Variants in ESYT2 observed in about 807,000 individuals in gnomAD.
ESYT2 encodes the protein extended synaptotagmin-2.
In ESYT2, 54 loss-of-function variants were observed where a neutral mutation model predicts 107.2. The ratio of observed to expected loss-of-function variants is 0.50; its 90% CI spans 0.40 to 0.63. ESYT2 has a LOEUF of 0.63. Ranked by LOEUF, ESYT2 falls within the 30% of genes least tolerant of loss-of-function variation. The pLI is 0.00. For synonymous variants in ESYT2, 491 were observed against 434.1 expected, an observed-to-expected ratio of 1.13 and a Z score of -1.63; for missense variants, 1,020 against 1,094.5, an observed-to-expected ratio of 0.93 and a Z score of 0.96.
At chr7:158,746,078 GGAA>G (rs1237597654) in intron 16 of ESYT2, among the ~76,000 whole-genome samples, 3 of 152,074 alleles carry the variant, frequency 2.0e-5, no homozygotes, top group Non-Finnish European at 2.9e-5. Flanking sequence ...AGACTTATTA[GGAA>G]GAAGAAGAGA....
chr7:158,814,299 A>G lies in ESYT2; in HGVS notation c.330+14790T>C, dbSNP rs1328480407. Among the ~76,000 whole-genome samples the G allele has an allele frequency of 9.0e-3, 38 of 4,214 alleles. 2 individuals carry two copies. The highest frequency in any genetic ancestry group is 0.02 in the African/African-American group (38 of 1,854). 2.8% of individuals were successfully genotyped at this position (4,214 alleles called of 152,430 possible). On this transcript the variant is annotated intron_variant, in intron 1 of 22. Coordinates refer to ENST00000275418, the MANE Select transcript of ESYT2 (RefSeq NM_001367773.1). ...AAAAAAAAAAAAATTATATATATAT[A>G]TATATATATATATATATATATATAT...
At chr7:158,770,097 G>T (rs1360948919) in intron 7 of ESYT2, among the ~76,000 whole-genome samples, 1 of 151,814 alleles carries the variant, frequency 6.6e-6, no homozygotes, top group African/African-American at 2.4e-5. Flanking sequence ...CACTATGTTG[G>T]CTAGGTTGGT....
At chr7:158,795,620 G>C (rs1284893934) in intron 3 of ESYT2, among the ~76,000 whole-genome samples, 1 of 152,076 alleles carries the variant, frequency 6.6e-6, no homozygotes, top group African/African-American at 2.4e-5. Flanking sequence ...CTGCGGCCAT[G>C]TACAGACAGA....
At chr7:158,815,458 CAT>C (rs59011477) in intron 1 of ESYT2, among the ~76,000 whole-genome samples, 16,363 of 152,120 alleles carry the variant, frequency 0.11, 1,332 homozygotes, top group East Asian at 0.43. Context: ...ATTCCCCTGA[CAT>C]TCAGGCACAC....
Position 158,735,565 on chromosome 7 carries a change from GCGTT to G in ESYT2, c.2439_2442del (p.Arg813SerfsTer6). The G allele has an allele frequency of 6.2e-7, 1 of 1,614,134 alleles. No individual in the cohort carries two copies. The highest frequency in any genetic ancestry group is 8.5e-7 in the Non-Finnish European group (1 of 1,179,994). On this transcript the variant is annotated frameshift_variant, in exon 21 of 23. Coordinates refer to ENST00000275418, the MANE Select transcript of ESYT2 (RefSeq NM_001367773.1). LOFTEE classifies it high-confidence loss of function. ...CCACTGTTCTTCACGGCAACGTCGA[GCGTT>G]CTCCTCTGCACTTCTGGTAACGAAA...
At position 158,752,801 on chromosome 7, in the gene ESYT2, C is replaced by T; in HGVS notation, c.1462G>A (p.Ala488Thr). 7.7e-7 allele frequency: 1 copy of T among 1,304,152 alleles called. No individual in the cohort carries two copies. The highest frequency in any genetic ancestry group is 1.0e-6 in the Non-Finnish European group (1 of 988,986). 80.8% of individuals were successfully genotyped at this position (1,304,152 alleles called of 1,614,324 possible). ...TTTACCTTTAAAGCTCTCTGAACTG[C>T]AGTCTTCTTCAAGACATCGGGGTTA... ...EFNPDVLKKT[A>T]VQRALKSGKK... is the part of the protein sequence containing the mutation. Residue 488 changes from alanine to threonine, a missense_variant, in exon 14 of 23, where the codon GCA (alanine) becomes ACA (threonine). Physicochemically the swap from Ala to Thr is moderately conservative, Grantham distance 58. Coordinates refer to ENST00000275418, the MANE Select transcript of ESYT2 (RefSeq NM_001367773.1).
At chr7:158,734,295 C>G (rs760042915) in intron 22 of ESYT2, 43 bp from the exon 23 acceptor site, 28 of 1,613,660 alleles carry the variant, frequency 1.7e-5, no homozygotes, top group Non-Finnish European at 2.2e-5. Flanking sequence ...GATACAGGAC[C>G]AAGTAGGAAA....
intron 13 of ESYT2, among the ~76,000 whole-genome samples, chr7:158,753,089 C>G (rs1386878701): frequency 6.6e-6 from 1 of 152,202 alleles, no homozygotes; most frequent in Non-Finnish European, 1.5e-5. Context: ...GATTAATATT[C>G]TTTTACTACC....
chr7:158,767,661 A>G lies in ESYT2; in HGVS notation c.917T>C (p.Val306Ala), dbSNP rs774026216. Residue 306 changes from valine to alanine, a missense_variant, in exon 8 of 23, where the codon GTA becomes GCA. Transcript: ENST00000275418. ...EVQIAQLRFP[V>A]PKGVLRIHFI... Reference sequence around the variant, plus strand: ...ATGCCGGGACACGCTTACCTTTGGTACAGGAAACCGCAACTGAGCTATTTG... The same window carrying G: ...ATGCCGGGACACGCTTACCTTTGGTGCAGGAAACCGCAACTGAGCTATTTG... 6.2e-7 allele frequency: 1 copy of G among 1,611,992 alleles called. No individual in the cohort carries two copies. Among genetic ancestry groups the G allele is most frequent in the African/African-American group, 1.3e-5 (1 of 74,954 alleles).
At position 158,733,924 on chromosome 7, in the gene ESYT2, A is replaced by G. The variant is rs1587359652; in HGVS notation, c.*283T>C. 2.3e-6 allele frequency: 1 copy of G among 429,172 alleles called. No individual in the cohort carries two copies. The highest frequency in any genetic ancestry group is 2.0e-5 in the African/African-American group (1 of 49,950). 26.6% of individuals were successfully genotyped at this position (429,172 alleles called of 1,614,324 possible). A position where few individuals can be genotyped will look rare whatever the true frequency, so the allele number is the denominator to read the frequency against. The stretch of plus-strand genomic sequence containing the variant: ...CCATAATAAAGCACAGACACATCCG[A>G]CTCCTACGGACACAGCTGAGCAGAG... On this transcript the variant is annotated 3_prime_UTR_variant, in exon 23 of 23. Transcript: ENST00000275418.
At chr7:158,824,286 C>T (rs1584892392) in intron 1 of ESYT2, among the ~76,000 whole-genome samples, 1 of 152,302 alleles carries the variant, frequency 6.6e-6, no homozygotes. Flanking sequence ...CACATGACCA[C>T]TCGGATTCAG....
chr7:158,793,703 C>T lies in ESYT2; in HGVS notation c.531G>A (p.Lys177=). The T allele has an allele frequency of 6.2e-7, 1 of 1,613,342 alleles. No homozygotes were observed. Among genetic ancestry groups the T allele is most frequent in the South Asian group, 1.1e-5 (1 of 91,012 alleles). ...GQQPLRINGV[K]VYTENVDKRQ... ...TTTTGTCTACATTTTCAGTGTATACCTTAACACCATTGATCCTGAGGGGCT... is the reference window on the plus strand; with the variant it reads ...TTTTGTCTACATTTTCAGTGTATACTTTAACACCATTGATCCTGAGGGGCT... Residue 177 remains lysine, a synonymous_variant, in exon 4 of 23, where the codon AAG becomes AAA. Coordinates refer to ENST00000275418, the MANE Select transcript of ESYT2 (RefSeq NM_001367773.1).
In ESYT2 at chr7:158,737,143, G is replaced by C; in HGVS notation, c.2304C>G (p.Pro768=). Residue 768 remains proline (P), a synonymous_variant, in exon 20 of 23, where the codon CCC becomes CCG. Coordinates refer to ENST00000275418, the MANE Select transcript of ESYT2 (RefSeq NM_001367773.1). ...LIAFSEDGSD[P]YVRMYLLPDK... is the part of the protein sequence containing the mutation. ...CTGGTAATAAATACATGCGGACATAGGGGTCAGAGCCGTCTTCAGAGAAGG... is the reference window on the plus strand; with the variant it reads ...CTGGTAATAAATACATGCGGACATACGGGTCAGAGCCGTCTTCAGAGAAGG... 1 of 1,614,006 alleles carries C rather than the reference G, an allele frequency of 6.2e-7. No homozygotes were observed. The highest frequency in any genetic ancestry group is 8.5e-7 in the Non-Finnish European group (1 of 1,179,898).
chr7:158,752,788 G>A lies in ESYT2; in HGVS notation c.1475C>T (p.Ala492Val), dbSNP rs1340091650. Residue 492 changes from alanine to valine, a missense_variant, in exon 14 of 23, where the codon GCT (alanine) becomes GTT (valine). Ala to Val is a moderately conservative substitution (Grantham distance 64). Coordinates refer to ENST00000275418, the MANE Select transcript of ESYT2 (RefSeq NM_001367773.1). ...GAAGGGAAAACAGTTTACCTTTAAAGCTCTCTGAACTGCAGTCTTCTTCAA... is the reference window on the plus strand; with the variant it reads ...GAAGGGAAAACAGTTTACCTTTAAAACTCTCTGAACTGCAGTCTTCTTCAA... Reference protein sequence around the residue: ...DVLKKTAVQRALKSGKKISSN... With the variant: ...DVLKKTAVQRVLKSGKKISSN... 1 of 1,303,536 alleles carries A rather than the reference G, an allele frequency of 7.7e-7. No individual in the cohort carries two copies. Among genetic ancestry groups the A allele is most frequent in the Admixed American group, 2.3e-5 (1 of 43,522 alleles). The allele number at this position is 1,303,536 out of a possible 1,614,324, so 80.7% of individuals were successfully genotyped here.
chr7:158,825,816 T>A (rs1356914792), intron 1 of ESYT2, among the ~76,000 whole-genome samples: 2 of 152,134 alleles, frequency 1.3e-5, no homozygotes, highest in Non-Finnish European at 2.9e-5. Flanking sequence ...TACAGATACA[T>A]CTTGTTCAAG....
chr7:158,738,733 G>A (rs58091960), intron 19 of ESYT2, among the ~76,000 whole-genome samples: 2,953 of 152,254 alleles, frequency 0.019, 89 homozygotes, highest in African/African-American at 0.066. Flanking sequence ...GATTACAGGC[G>A]TGAGCCACCA....
chr7:158,735,073 C>T (rs934860736), intron 21 of ESYT2, among the ~76,000 whole-genome samples: 1 of 152,238 alleles, frequency 6.6e-6, no homozygotes, highest in Non-Finnish European at 1.5e-5. Context: ...TCCATGGCAG[C>T]ACAGCTGACG....
At chr7:158,783,994 C>T (rs1256900086) in intron 6 of ESYT2, among the ~76,000 whole-genome samples, 1 of 152,108 alleles carries the variant, frequency 6.6e-6, no homozygotes, top group African/African-American at 2.4e-5. Context: ...CTGGTAGAGA[C>T]CTCTATTGCT....
chr7:158,747,022 A>G (rs747805131), intron 16 of ESYT2, among the ~76,000 whole-genome samples: 17 of 151,924 alleles, frequency 1.1e-4, no homozygotes, highest in Non-Finnish European at 2.2e-4. Flanking sequence ...ACTGCACTCC[A>G]GCCTGGGTAA....
Sources: allele counts gnomAD v4.1 joint callset (sites outside exome capture counted in the v4.1 genomes callset), GRCh38; gene constraint gnomAD v4.1.1; transcripts MANE v1.5; gene names NCBI Gene and HGNC (gene_info 2026-07-23, HGNC 2026-07-21).